The following LRRC4C variants were observed in gnomAD, a reference collection of about 807,000 sequenced individuals.
LRRC4C encodes leucine-rich repeat-containing protein 4C.
A neutral mutation model predicts 33.6 loss-of-function variants in LRRC4C; 5 were observed. The ratio of observed to expected loss-of-function variants is 0.15; its 90% CI spans 0.08 to 0.31. The LOEUF is 0.31. Among genes scored for constraint, LRRC4C ranks in the 10% least tolerant of loss-of-function variants. The pLI is 1.00. For missense variants in LRRC4C, 560 were observed against 796.7 expected (o/e 0.70, Z 3.58); for synonymous variants, 329 against 302.0 (o/e 1.09, Z -0.93).
At chr11:41,151,949 AT>A in intron 1 of LRRC4C, among the ~76,000 whole-genome samples, 1 of 152,306 alleles carries the variant, frequency 6.6e-6, no homozygotes, top group Admixed American at 6.5e-5. Context: ...CTCATAGTGC[AT>A]TTTTAGGAAG....
At chr11:40,180,181 C>T (rs903496541) in intron 5 of LRRC4C, among the ~76,000 whole-genome samples, 4 of 152,046 alleles carry the variant, frequency 2.6e-5, no homozygotes, top group African/African-American at 9.7e-5. Context: ...ATTTATGGTC[C>T]AAATAACATA....
At chr11:40,589,973 G>A (rs1028729505) in intron 3 of LRRC4C, among the ~76,000 whole-genome samples, 15 of 151,088 alleles carry the variant, frequency 9.9e-5, no homozygotes, top group African/African-American at 1.5e-4. Context: ...TGCTCTTCTC[G>A]AGGAGTATCT....
intron 2 of LRRC4C, among the ~76,000 whole-genome samples, chr11:40,703,399 G>A (rs547721173): frequency 5.3e-4 from 80 of 152,188 alleles, no homozygotes; most frequent in African/African-American, 4.3e-4. Flanking sequence ...GCAAAACCAC[G>A]TCTCTACAAA....
chr11:40,511,979 A>G (rs1183732825), intron 3 of LRRC4C, among the ~76,000 whole-genome samples: 1 of 152,166 alleles, frequency 6.6e-6, no homozygotes. Context: ...AATTTAGAGA[A>G]TGATACTTCG....
chr11:41,068,896 G>T (rs1157070855), intron 1 of LRRC4C, among the ~76,000 whole-genome samples: 1 of 152,130 alleles, frequency 6.6e-6, no homozygotes, highest in Non-Finnish European at 1.5e-5. Flanking sequence ...CTGAAAAAGA[G>T]GGACTCCTCC....
At chr11:41,268,448 G>T (rs1949220635) in intron 1 of LRRC4C, among the ~76,000 whole-genome samples, 1 of 152,088 alleles carries the variant, frequency 6.6e-6, no homozygotes, top group South Asian at 2.1e-4. Flanking sequence ...TGAAGTTATA[G>T]GTACTAATAA....
At chr11:41,040,133 G>T in intron 1 of LRRC4C, among the ~76,000 whole-genome samples, 2 of 84,856 alleles carry the variant, frequency 2.4e-5, no homozygotes, top group South Asian at 5.4e-4. Flanking sequence ...GTGAGACTCT[G>T]TCTCAAAAAA....
intron 1 of LRRC4C, among the ~76,000 whole-genome samples, chr11:41,081,035 C>T (rs1242291883): frequency 1.3e-5 from 2 of 152,084 alleles, no homozygotes; most frequent in African/African-American, 4.8e-5. Context: ...GAAATTGTCT[C>T]TTAAAATGAA....
At chr11:40,381,866 A>G (rs952604125) in intron 3 of LRRC4C, among the ~76,000 whole-genome samples, 7 of 151,666 alleles carry the variant, frequency 4.6e-5, no homozygotes, top group African/African-American at 1.2e-4. Context: ...TAAATAATCA[A>G]TTCCTGACTC....
intron 1 of LRRC4C, among the ~76,000 whole-genome samples, chr11:40,972,201 A>G (rs1189922642): frequency 2.6e-5 from 4 of 151,142 alleles, no homozygotes; most frequent in African/African-American, 7.3e-5. Context: ...CAGTGGTGCA[A>G]TCTTGGCTCA....
chr11:40,707,632 T>C (rs1299166129), intron 2 of LRRC4C, among the ~76,000 whole-genome samples: 1 of 152,072 alleles, frequency 6.6e-6, no homozygotes, highest in Admixed American at 6.5e-5. Context: ...TTGAGGATTT[T>C]TGCATCGATG....
intron 1 of LRRC4C, among the ~76,000 whole-genome samples, chr11:41,140,213 T>C (rs1943442858): frequency 6.6e-6 from 1 of 152,160 alleles, no homozygotes; most frequent in Non-Finnish European, 1.5e-5. Context: ...CCAACCCTGC[T>C]ATCCTGGAAA....
intron 1 of LRRC4C, among the ~76,000 whole-genome samples, chr11:40,993,423 T>A (rs1175425038): frequency 6.6e-6 from 1 of 152,126 alleles, no homozygotes; most frequent in Non-Finnish European, 1.5e-5. Flanking sequence ...AAAGTTCTAG[T>A]GGAGTTATTG....
intron 1 of LRRC4C, among the ~76,000 whole-genome samples, chr11:41,137,526 G>C (rs1055208901): frequency 1.3e-4 from 20 of 152,082 alleles, no homozygotes; most frequent in African/African-American, 4.8e-4. Context: ...CATTATCTTA[G>C]AATATTCTCT....
At chr11:41,293,911 C>T (rs1188011518) in intron 1 of LRRC4C, among the ~76,000 whole-genome samples, 1 of 151,536 alleles carries the variant, frequency 6.6e-6, no homozygotes, top group Non-Finnish European at 1.5e-5. Flanking sequence ...TTATTAAACA[C>T]AGCAATATAT....
chr11:40,266,430 G>C (rs1942264954), intron 4 of LRRC4C, among the ~76,000 whole-genome samples: 1 of 152,172 alleles, frequency 6.6e-6, no homozygotes, highest in African/African-American at 2.4e-5. Flanking sequence ...TTGTGCCACT[G>C]CACTTCAGCC....
intron 4 of LRRC4C, among the ~76,000 whole-genome samples, chr11:40,251,492 T>C (rs1249717668): frequency 6.6e-6 from 1 of 152,116 alleles, no homozygotes; most frequent in Non-Finnish European, 1.5e-5. Flanking sequence ...GCCTCCACAT[T>C]TCCTGACTCT....
intron 3 of LRRC4C, among the ~76,000 whole-genome samples, chr11:40,564,159 G>C (rs527575787): frequency 6.6e-6 from 1 of 152,286 alleles, no homozygotes; most frequent in East Asian, 1.9e-4. Context: ...ACTTTCTTAG[G>C]ACATTGGCTT....
At chr11:40,574,641 A>AG (rs1182969756) in intron 3 of LRRC4C, among the ~76,000 whole-genome samples, 1 of 152,178 alleles carries the variant, frequency 6.6e-6, no homozygotes, top group Non-Finnish European at 1.5e-5. Context: ...CCTTTATATA[A>AG]GTCTCTAGAA....
Sources: gnomAD v4.1 joint callset for allele counts (sites outside exome capture counted in the v4.1 genomes callset) on GRCh38, gnomAD v4.1.1 for gene constraint, MANE v1.5 for transcripts, NCBI Gene and HGNC (gene_info 2026-07-23, HGNC 2026-07-21) for gene names.